Variants in DNAH3 observed in about 807,000 individuals in gnomAD.
The protein encoded by DNAH3 is dynein axonemal heavy chain 3.
DNAH3 carries 332 observed loss-of-function variants against 432.5 expected under a neutral mutation model. That is an observed-to-expected ratio of 0.77 (90% CI 0.70 to 0.84). DNAH3 has a LOEUF of 0.84. Ranked by LOEUF, DNAH3 falls within the 40% of genes least tolerant of loss-of-function variation. The pLI, the probability that DNAH3 is intolerant of heterozygous loss-of-function variation, is 0.00. For synonymous variants in DNAH3, 1,956 were observed against 1,900.2 expected, an observed-to-expected ratio of 1.03 and a Z score of -0.76; for missense variants, 4,861 against 5,114.0, an observed-to-expected ratio of 0.95 and a Z score of 1.51.
At chr16:21,093,705 T>A (rs749965889) in intron 18 of DNAH3, among the ~76,000 whole-genome samples, 3 of 152,200 alleles carry the variant, frequency 2.0e-5, no homozygotes, top group Non-Finnish European at 4.4e-5. Context: ...GTCAAGTTGA[T>A]GTGGTATCAG....
At chr16:21,070,820 T>G in exon 22 of DNAH3, 1 of 1,590,834 alleles carries the variant, frequency 6.3e-7, no homozygotes, top group Non-Finnish European at 8.6e-7. Flanking sequence ...CACAAGATGT[T>G]TGTATCCTGT....
At chr16:21,026,953 T>A in intron 38 of DNAH3, 74 bp downstream of exon 38, 3 of 1,041,582 alleles carry the variant, frequency 2.9e-6, no homozygotes, top group Non-Finnish European at 4.4e-6. Context: ...TTTGTGAAAT[T>A]TGAGAGCTTT....
exon 18 of DNAH3, chr16:21,097,455 A>G (rs754421974): frequency 1.2e-6 from 2 of 1,613,884 alleles, no homozygotes; most frequent in Non-Finnish European, 8.5e-7. Flanking sequence ...GAAGAGGGTA[A>G]GTACTCTTCT....
chr16:21,051,326 G>C (rs1365977555), intron 29 of DNAH3, among the ~76,000 whole-genome samples: 1 of 152,148 alleles, frequency 6.6e-6, no homozygotes, highest in Admixed American at 6.5e-5. Flanking sequence ...CTACGTTCTT[G>C]ACCTCACTTC....
Position 21,037,753 on chromosome 16 carries a change from C to T in DNAH3, c.4950+8G>A, listed in dbSNP as rs752309358. 4 of 1,613,880 alleles carry T rather than the reference C, an allele frequency of 2.5e-6. No homozygotes were observed. Among genetic ancestry groups the T allele is most frequent in the Non-Finnish European group, 3.4e-6 (4 of 1,179,842 alleles). ...GGTCCTCGGCCAAGGTCCTGAACCG[C>T]TACATACCTGAAACAGAGGGACATC... On this transcript the variant is annotated splice_region_variant and intron_variant, in intron 34 of 61. Coordinates refer to ENST00000261383, the Ensembl canonical transcript of DNAH3.
rs181564973 is a variant in DNAH3 at position 20,983,569 on chromosome 16, G to A, written c.7666-655C>T. 1.2e-4 allele frequency among the ~76,000 whole-genome samples: 18 copies of A among 152,176 alleles called. 1 individual carries two copies. Among genetic ancestry groups the A allele is most frequent in the African/African-American group, 4.3e-4 (18 of 41,506 alleles). ...GAGCCATACACTGTTATTTATAGAA[G>A]TTGCTGTGAGGTCATCTGCTTGTTT... On this transcript the variant is annotated intron_variant, in intron 48 of 61. Coordinates refer to ENST00000261383, the Ensembl canonical transcript of DNAH3.
chr16:21,037,740 A>C, intron 34 of DNAH3, 21 bp downstream of exon 34: 1 of 1,609,800 alleles, frequency 6.2e-7, no homozygotes, highest in Non-Finnish European at 8.5e-7. Flanking sequence ...TCCTCGGCCA[A>C]GGTCCTGAAC....
At chr16:21,085,116 C>T (rs753926678) in intron 19 of DNAH3, among the ~76,000 whole-genome samples, 15 of 152,028 alleles carry the variant, frequency 9.9e-5, no homozygotes, top group Admixed American at 7.2e-4. Flanking sequence ...CTGTGGCTCA[C>T]GCCTGTAATC....
chr16:21,132,751 C>T (rs538142779), intron 7 of DNAH3, among the ~76,000 whole-genome samples: 25 of 152,160 alleles, frequency 1.6e-4, no homozygotes, highest in Non-Finnish European at 2.6e-4. Flanking sequence ...GGTGAGAATG[C>T]GGAGTGACTG....
exon 62 of DNAH3, chr16:20,933,317 T>C: frequency 6.2e-7 from 1 of 1,614,162 alleles, no homozygotes; most frequent in Non-Finnish European, 8.5e-7. Flanking sequence ...CACATAGATG[T>C]CCTGATGCAG....
At chr16:21,070,686 G>A in intron 22 of DNAH3, 24 bp downstream of exon 22, 2 of 1,482,666 alleles carry the variant, frequency 1.3e-6, no homozygotes, top group Non-Finnish European at 1.9e-6. Context: ...ACACCTCAAA[G>A]CATTCAACTT....
chr16:21,143,935 G>C (rs748252367), intron 3 of DNAH3, among the ~76,000 whole-genome samples: 1 of 152,170 alleles, frequency 6.6e-6, no homozygotes, highest in Non-Finnish European at 1.5e-5. Flanking sequence ...GAGTTGAAGA[G>C]AAAATTAGTA....
intron 14 of DNAH3, among the ~76,000 whole-genome samples, chr16:21,109,797 G>C (rs1277091338): frequency 6.6e-6 from 1 of 151,474 alleles, no homozygotes; most frequent in Non-Finnish European, 1.5e-5. Flanking sequence ...GGAGTGCAGT[G>C]GTGTGAACAT....
intron 40 of DNAH3, 78 bp downstream of exon 40, chr16:21,021,893 A>G: frequency 6.6e-7 from 1 of 1,514,220 alleles, no homozygotes; most frequent in Non-Finnish European, 9.0e-7. Flanking sequence ...ACAGAGTGAG[A>G]CTTCATCTCA....
At chr16:21,091,642 C>T (rs1382693128) in intron 18 of DNAH3, among the ~76,000 whole-genome samples, 1 of 151,978 alleles carries the variant, frequency 6.6e-6, no homozygotes, top group African/African-American at 2.4e-5. Context: ...ATGGTGAAAC[C>T]CTGTCTCTAC....
chr16:20,935,973 G>A (rs1046502906), intron 60 of DNAH3, among the ~76,000 whole-genome samples: 1 of 152,046 alleles, frequency 6.6e-6, no homozygotes, highest in African/African-American at 2.4e-5. Flanking sequence ...AGCAATAGTC[G>A]CCATGCCATG....
At chr16:21,150,402 T>C (rs2092839541) in intron 1 of DNAH3, 1 of 426,716 alleles carries the variant, frequency 2.3e-6, no homozygotes, top group South Asian at 1.7e-5. Flanking sequence ...TCCTATCCAG[T>C]TGGTCTGAAA....
chr16:21,140,746 G>A, intron 4 of DNAH3, 36 bp from the exon 6 acceptor site: 1 of 1,606,822 alleles, frequency 6.2e-7, no homozygotes. Flanking sequence ...TTGGTGTTTG[G>A]TTCTCCAGAG....
Position 21,145,287 on chromosome 16 carries a change from G to C in DNAH3, c.342C>G (p.Tyr114Ter). ...GCTTCAGGTCCTGGGCCATCAAGGA[G>C]TAGTTGTTGGCGATGGAATCACTGG... The change falls in exon 3 of 62, where the codon TAC (tyrosine) becomes TAG (stop). Residue 114 changes from tyrosine to a stop codon, truncating the protein, a stop_gained. Transcript: ENST00000261383. LOFTEE classifies it high-confidence loss of function. 1 of 1,614,154 alleles carries C rather than the reference G, an allele frequency of 6.2e-7. No homozygotes were observed. The highest frequency in any genetic ancestry group is 8.5e-7 in the Non-Finnish European group (1 of 1,180,008).
Sources: allele counts gnomAD v4.1 joint callset (sites outside exome capture counted in the v4.1 genomes callset), GRCh38; gene constraint gnomAD v4.1.1; transcripts MANE v1.5; gene names NCBI Gene and HGNC (gene_info 2026-07-23, HGNC 2026-07-21).